RAB3C: variants seen among roughly 807,000 people sequenced by gnomAD.
The protein encoded by RAB3C is ras-related protein Rab-3C.
RAB3C carries 17 observed loss-of-function variants against 26.4 expected under a neutral mutation model. The ratio of observed to expected loss-of-function variants is 0.64; its 90% confidence interval spans 0.44 to 0.97. The LOEUF (loss-of-function observed/expected upper bound fraction) is 0.97, where lower values mean the gene tolerates loss of function less well. Among genes scored for constraint, RAB3C ranks in the 50% least tolerant of loss-of-function variants. The pLI is 0.00. For missense variants in RAB3C, 242 were observed against 281.9 expected (o/e 0.86, Z 1.01); for synonymous variants, 91 against 95.9 (o/e 0.95, Z 0.30).
intron 3 of RAB3C, among the ~76,000 whole-genome samples, chr5:58,778,411 G>A (rs1415600686): frequency 6.6e-6 from 1 of 152,088 alleles, no homozygotes; most frequent in Non-Finnish European, 1.5e-5. Flanking sequence ...GGTTATCTGG[G>A]AGCTGGTTGT....
intron 3 of RAB3C, among the ~76,000 whole-genome samples, chr5:58,765,951 C>G (rs904307231): frequency 6.6e-6 from 1 of 152,110 alleles, no homozygotes; most frequent in Non-Finnish European, 1.5e-5. Context: ...CCCCTGCCCA[C>G]TCTTCTTCCT....
chr5:58,664,339 G>A (rs1561282600), intron 2 of RAB3C, among the ~76,000 whole-genome samples: 1 of 152,050 alleles, frequency 6.6e-6, no homozygotes, highest in Non-Finnish European at 1.5e-5. Flanking sequence ...GAATCTTCAG[G>A]GAATTATGCT....
At chr5:58,743,136 T>C (rs564625531) in intron 3 of RAB3C, among the ~76,000 whole-genome samples, 1 of 152,300 alleles carries the variant, frequency 6.6e-6, no homozygotes, top group Admixed American at 6.5e-5. Flanking sequence ...TACTTAACTT[T>C]TCTCAGCCTT....
chr5:58,675,528 A>G (rs964571926), intron 2 of RAB3C, among the ~76,000 whole-genome samples: 28 of 152,078 alleles, frequency 1.8e-4, no homozygotes, highest in Non-Finnish European at 3.1e-4. Context: ...ATTCAAGCAT[A>G]GCAACTGGGA....
intron 2 of RAB3C, among the ~76,000 whole-genome samples, chr5:58,677,761 A>G (rs1306453981): frequency 6.6e-6 from 1 of 152,226 alleles, no homozygotes; most frequent in Non-Finnish European, 1.5e-5. Flanking sequence ...GGTAGTGAAG[A>G]TATCCTAGAG....
At chr5:58,637,013 G>A (rs1054811472) in intron 2 of RAB3C, among the ~76,000 whole-genome samples, 1 of 151,106 alleles carries the variant, frequency 6.6e-6, no homozygotes, top group African/African-American at 2.4e-5. Context: ...TGCTGTTGTT[G>A]TTAAATTCAC....
intron 1 of RAB3C, among the ~76,000 whole-genome samples, chr5:58,602,819 A>C (rs1746484777): frequency 6.6e-6 from 1 of 152,106 alleles, no homozygotes; most frequent in Non-Finnish European, 1.5e-5. Context: ...TATTAAGTGG[A>C]GCATTAAGGC....
At chr5:58,672,558 C>T (rs1003217037) in intron 2 of RAB3C, among the ~76,000 whole-genome samples, 1 of 152,132 alleles carries the variant, frequency 6.6e-6, no homozygotes, top group African/African-American at 2.4e-5. Context: ...TGAAAGGTGT[C>T]TTTGTCGTGT....
rs576436995 is a variant in RAB3C at position 58,853,138 on chromosome 5, A to G, written c.*1787A>G. On this transcript the variant is annotated 3_prime_UTR_variant, in exon 5 of 5. Transcript: ENST00000282878. ...CAAAGCAAACCTTAGCATAGTAAAG[A>G]CAAGAAAACATTAATGTTTTATTAG... 2.8e-4 allele frequency: 43 copies of G among 152,336 alleles called. No individual in the cohort carries two copies. Among genetic ancestry groups the G allele is most frequent in the African/African-American group, 1.0e-3 (42 of 41,588 alleles). 9.4% of individuals were successfully genotyped at this position (152,336 alleles called of 1,614,324 possible). A position where few individuals can be genotyped will look rare whatever the true frequency, so the allele number is the denominator to read the frequency against.
upstream of RAB3C, chr5:58,582,919 G>A: frequency 3.2e-6 from 2 of 617,736 alleles, no homozygotes; most frequent in South Asian, 2.9e-5. Context: ...CCCGACTGGC[G>A]GATCGAGCCT....
chr5:58,603,013 G>A (rs989918721), intron 1 of RAB3C, among the ~76,000 whole-genome samples: 1 of 152,074 alleles, frequency 6.6e-6, no homozygotes, highest in Non-Finnish European at 1.5e-5. Context: ...GCTTGGTAAC[G>A]GTGAATTCTC....
intron 2 of RAB3C, among the ~76,000 whole-genome samples, chr5:58,690,830 A>G (rs1748556532): frequency 6.6e-6 from 1 of 152,168 alleles, no homozygotes; most frequent in Admixed American, 6.6e-5. Context: ...GAGATCATTA[A>G]TATTTCTTAT....
intron 1 of RAB3C, among the ~76,000 whole-genome samples, chr5:58,614,648 CACA>C (rs1374226388): frequency 2.6e-5 from 4 of 151,832 alleles, no homozygotes; most frequent in East Asian, 3.9e-4. Flanking sequence ...TTGCTGCTAC[CACA>C]ACAAGGTATA....
At chr5:58,774,090 T>C (rs1224116278) in intron 3 of RAB3C, among the ~76,000 whole-genome samples, 1 of 152,110 alleles carries the variant, frequency 6.6e-6, no homozygotes, top group African/African-American at 2.4e-5. Context: ...ACTGAGAAAA[T>C]AGAGGGCATC....
chr5:58,736,567 T>G (rs918192523), intron 3 of RAB3C, among the ~76,000 whole-genome samples: 1 of 152,218 alleles, frequency 6.6e-6, no homozygotes, highest in Admixed American at 6.5e-5. Context: ...CAAATTCTTT[T>G]GTGTGGCGAA....
intron 2 of RAB3C, among the ~76,000 whole-genome samples, chr5:58,644,937 A>C: frequency 6.6e-6 from 1 of 152,194 alleles, no homozygotes; most frequent in East Asian, 1.9e-4. Flanking sequence ...CAGAGAACAA[A>C]TGAAATTCTG....
chr5:58,585,263 A>G (rs1333212096), intron 1 of RAB3C, among the ~76,000 whole-genome samples: 1 of 152,088 alleles, frequency 6.6e-6, no homozygotes, highest in Non-Finnish European at 1.5e-5. Context: ...AATAATAGAT[A>G]GGATAAAAAC....
At chr5:58,683,339 T>C (rs1206552300) in intron 2 of RAB3C, among the ~76,000 whole-genome samples, 3 of 151,844 alleles carry the variant, frequency 2.0e-5, no homozygotes, top group African/African-American at 7.3e-5. Context: ...GGTCTGCAAT[T>C]CTTTTTTGTT....
At chr5:58,584,868 A>T (rs1407688549) in intron 1 of RAB3C, among the ~76,000 whole-genome samples, 5 of 152,036 alleles carry the variant, frequency 3.3e-5, no homozygotes, top group Admixed American at 3.3e-4. Flanking sequence ...TAGAATGTTC[A>T]GAAAGGTCAT....
Sources: allele counts gnomAD v4.1 joint callset (sites outside exome capture counted in the v4.1 genomes callset), GRCh38; gene constraint gnomAD v4.1.1; transcripts MANE v1.5; gene names NCBI Gene and HGNC (gene_info 2026-07-23, HGNC 2026-07-21).